The following TASP1 variants were observed in gnomAD, a reference collection of about 807,000 sequenced individuals.
TASP1 encodes taspase 1.
In TASP1, 16 loss-of-function variants were observed where a neutral mutation model predicts 56.6. That is an observed-to-expected ratio of 0.28 (90% confidence interval 0.19 to 0.43). TASP1 has a LOEUF of 0.43. Ranked by LOEUF, TASP1 falls within the 20% of genes least tolerant of loss-of-function variation. The pLI is 1.00. For synonymous variants in TASP1, 179 were observed against 184.2 expected (o/e 0.97, Z 0.23); for missense variants, 393 against 511.6 (o/e 0.77, Z 2.24).
At chr20:13,536,915 A>C (rs1450288948) in intron 8 of TASP1, among the ~76,000 whole-genome samples, 1 of 152,108 alleles carries the variant, frequency 6.6e-6, no homozygotes, top group African/African-American at 2.4e-5. Flanking sequence ...AATGGCAGAA[A>C]TCAAGCTAAT....
In TASP1 at chr20:13,623,507, T is replaced by G. The variant is rs553663938; in HGVS notation, c.221A>C (p.Glu74Ala). 7.1e-5 allele frequency: 113 copies of G among 1,598,734 alleles called. No homozygotes were observed. The highest frequency in any genetic ancestry group is 4.2e-4 in the Admixed American group (25 of 59,758). The change falls in exon 4 of 14, where the codon GAA (glutamate) becomes GCA (alanine). Residue 74 changes from glutamate (E) to alanine (A), a missense_variant. Transcript: ENST00000337743. ...TGCAAGAGCACCGGCCTGCAGCTTTTCAATTGCCTATGAAACCAAGGGGAG... is the reference window on the plus strand; with the variant it reads ...TGCAAGAGCACCGGCCTGCAGCTTTGCAATTGCCTATGAAACCAAGGGGAG... ...VCKRACQKAIEKLQAGALATD... is the reference protein window; with the variant it reads ...VCKRACQKAIAKLQAGALATD...
At chr20:13,519,699 T>G (rs558496509) in intron 10 of TASP1, among the ~76,000 whole-genome samples, 1 of 152,160 alleles carries the variant, frequency 6.6e-6, no homozygotes, top group South Asian at 2.1e-4. Context: ...GCATTCCCTT[T>G]GAAAATTGGC....
chr20:13,415,444 C>CT (rs368921864), intron 13 of TASP1, among the ~76,000 whole-genome samples: 71,316 of 133,040 alleles, frequency 0.54, 20,013 homozygotes, highest in Non-Finnish European at 0.65. Flanking sequence ...TTGGGGTTTT[C>CT]TTTTTTTTTT....
At chr20:13,433,907 T>C (rs1647183478) in intron 12 of TASP1, among the ~76,000 whole-genome samples, 1 of 147,668 alleles carries the variant, frequency 6.8e-6, no homozygotes, top group African/African-American at 2.5e-5. Context: ...CAGTAGAATA[T>C]AACACAGCAA....
intron 8 of TASP1, among the ~76,000 whole-genome samples, chr20:13,549,090 CTT>C (rs2146994334): frequency 6.6e-6 from 1 of 152,238 alleles, no homozygotes; most frequent in Admixed American, 6.5e-5. Context: ...AACATGCTGA[CTT>C]AACTGCTGAG....
intron 13 of TASP1, among the ~76,000 whole-genome samples, chr20:13,398,080 T>C (rs1453450797): frequency 2.6e-5 from 4 of 152,100 alleles, no homozygotes; most frequent in Admixed American, 6.6e-5. Flanking sequence ...CATCTTCTAT[T>C]TGAAAAGAAA....
At chr20:13,261,713 G>A in the TASP1 span, among the ~76,000 whole-genome samples, 2 of 152,186 alleles carry the variant, frequency 1.3e-5, no homozygotes, top group Non-Finnish European at 1.5e-5. Flanking sequence ...GAAGTACTTG[G>A]AGCAGAGAGA....
chr20:13,234,347 T>G, the TASP1 span, among the ~76,000 whole-genome samples: 7 of 152,246 alleles, frequency 4.6e-5, no homozygotes, highest in African/African-American at 1.7e-4. Context: ...TTACCCAGTC[T>G]TCCACTGATG....
chr20:13,166,893 T>C, the TASP1 span: 1 of 152,218 alleles, frequency 6.6e-6, no homozygotes, highest in Non-Finnish European at 1.5e-5. Flanking sequence ...TCTAATTCAT[T>C]GTGGGAAACT....
intron 11 of TASP1, among the ~76,000 whole-genome samples, chr20:13,442,145 A>T (rs182371842): frequency 2.6e-5 from 4 of 151,996 alleles, no homozygotes; most frequent in African/African-American, 9.7e-5. Context: ...CCCCCCATAA[A>T]CTGAGTCTGT....
intron 11 of TASP1, among the ~76,000 whole-genome samples, chr20:13,448,539 A>G (rs1043265448): frequency 6.6e-6 from 1 of 152,136 alleles, no homozygotes; most frequent in African/African-American, 2.4e-5. Flanking sequence ...GAAAGCCTAA[A>G]GACAGAGTCA....
At chr20:13,498,371 G>A (rs889111524) in intron 10 of TASP1, among the ~76,000 whole-genome samples, 1 of 148,122 alleles carries the variant, frequency 6.8e-6, no homozygotes, top group South Asian at 2.1e-4. Context: ...GTGTGTGTGT[G>A]TGTGTGTGAT....
chr20:13,231,139 A>G, the TASP1 span, among the ~76,000 whole-genome samples: 1 of 152,140 alleles, frequency 6.6e-6, no homozygotes, highest in Non-Finnish European at 1.5e-5. Flanking sequence ...ACCACACCCA[A>G]ATGGTAGTCA....
chr20:13,134,587 A>C, the TASP1 span, among the ~76,000 whole-genome samples: 19 of 152,214 alleles, frequency 1.2e-4, no homozygotes, highest in Admixed American at 1.2e-3. Flanking sequence ...TTAGAACTGC[A>C]ACAAAGCATT....
chr20:13,427,350 C>T lies in TASP1; in HGVS notation c.1096+7694G>A, dbSNP rs555773802. ...CAAAGTACTCGATAAAGAACTTTGCCTATTCTGAAAAGAGGGAGGAAAATA... is the reference window on the plus strand; with the variant it reads ...CAAAGTACTCGATAAAGAACTTTGCTTATTCTGAAAAGAGGGAGGAAAATA... On this transcript the variant is annotated intron_variant, in intron 12 of 13. Transcript: ENST00000337743. Among the ~76,000 whole-genome samples the T allele has an allele frequency of 6.6e-5, 10 of 152,200 alleles. 1 individual carries two copies. In the South Asian group the frequency reaches 1.7e-3, roughly 25 times the overall value.
chr20:13,135,057 GTTCATGGTCACAACA>G, the TASP1 span, among the ~76,000 whole-genome samples: 1 of 152,198 alleles, frequency 6.6e-6, no homozygotes, highest in East Asian at 1.9e-4. Flanking sequence ...GTCATTAAGA[GTTCATGGTCACAACA>G]TTCATTTTAT....
chr20:13,557,544 CTA>C (rs1170398636), intron 8 of TASP1, among the ~76,000 whole-genome samples: 1 of 125,284 alleles, frequency 8.0e-6, no homozygotes, highest in African/African-American at 3.0e-5. Context: ...ATCATTTACT[CTA>C]TGCAAATTTT....
At chr20:13,546,340 G>C (rs991625792) in intron 8 of TASP1, among the ~76,000 whole-genome samples, 4 of 152,126 alleles carry the variant, frequency 2.6e-5, no homozygotes, top group African/African-American at 4.8e-5. Flanking sequence ...TGAAAATAGA[G>C]CACTGCCTGT....
the TASP1 span, among the ~76,000 whole-genome samples, chr20:13,109,376 A>AT: frequency 6.6e-6 from 1 of 152,200 alleles, no homozygotes; most frequent in Non-Finnish European, 1.5e-5. Context: ...TCAAATCCTG[A>AT]TTCTGTTGCT....
Sources: gnomAD v4.1 joint callset for allele counts (sites outside exome capture counted in the v4.1 genomes callset) on GRCh38, gnomAD v4.1.1 for gene constraint, MANE v1.5 for transcripts, NCBI Gene and HGNC (gene_info 2026-07-23, HGNC 2026-07-21) for gene names.